The following KDF1 variants were observed in gnomAD, a reference collection of about 807,000 sequenced individuals.
KDF1 encodes the protein keratinocyte differentiation factor 1, also known as RP11-344H11.3.
KDF1 carries 11 observed loss-of-function variants against 31.6 expected under a neutral mutation model. The observed-to-expected ratio is 0.35, with a 90% CI of 0.22 to 0.58. The LOEUF is 0.58. Ranked by LOEUF, KDF1 falls within the 20% of genes least tolerant of loss-of-function variation. KDF1 has a pLI of 0.83. For synonymous variants in KDF1, 205 were observed against 214.4 expected, an observed-to-expected ratio of 0.96 and a Z score of 0.38; for missense variants, 476 against 549.1, an observed-to-expected ratio of 0.87 and a Z score of 1.33.
At position 26,949,962 on chromosome 1, in the gene KDF1, G is replaced by A; in HGVS notation, c.*107C>T. ...GCCAAGGCAGGAGGAGCCAGAGTGG[G>A]CACTGCTTCAGGTCTAAGCCTCTCC... On this transcript the variant is annotated 3_prime_UTR_variant, in exon 4 of 4. Coordinates refer to ENST00000320567, the MANE Select transcript of KDF1 (RefSeq NM_152365.3). The A allele has an allele frequency of 3.5e-6, 4 of 1,127,086 alleles. No homozygotes were observed. Among genetic ancestry groups the A allele is most frequent in the East Asian group, 2.5e-5 (1 of 39,304 alleles). 69.8% of individuals were successfully genotyped at this position (1,127,086 alleles called of 1,614,324 possible). A position where few individuals can be genotyped will look rare whatever the true frequency, so the allele number is the denominator to read the frequency against.
intron 1 of KDF1, among the ~76,000 whole-genome samples, chr1:26,953,229 G>A (rs1183852220): frequency 6.6e-6 from 1 of 152,084 alleles, no homozygotes; most frequent in African/African-American, 2.4e-5. Flanking sequence ...CTCTCAATCT[G>A]TATTTAAAAA....
chr1:26,951,942 C>T lies in KDF1; in HGVS notation c.439G>A (p.Asp147Asn), dbSNP rs1373270171. 4 of 1,604,702 alleles carry T rather than the reference C, an allele frequency of 2.5e-6. No individual in the cohort carries two copies. The highest frequency in any genetic ancestry group is 2.2e-5 in the East Asian group (1 of 44,720). The change falls in exon 2 of 4, where the codon GAT becomes AAT. Residue 147 changes from aspartate to asparagine, a missense_variant. Transcript: ENST00000320567. This position sits in a 1 kb window ranked among gnomAD's most constrained non-coding sequence, Gnocchi z 5.4. ...SPDRAPPSRR[D>N]GQRLKSTMGS... ...ATGGTTGACTTGAGCCGCTGGCCAT[C>T]CCGCCGGCTGGGGGGTGCACGATCA...
chr1:26,955,312 A>G (rs1040365061), intron 1 of KDF1, among the ~76,000 whole-genome samples: 21 of 152,132 alleles, frequency 1.4e-4, no homozygotes, highest in African/African-American at 3.9e-4. Context: ...AAGACTTGCT[A>G]TGGAACCTGA....
rs1490420788 is a variant in KDF1 at position 26,951,334 on chromosome 1, C to A, written c.1039+8G>T. On this transcript the variant is annotated splice_region_variant and intron_variant, in intron 2 of 3. Coordinates refer to ENST00000320567, the MANE Select transcript of KDF1 (RefSeq NM_152365.3). The surrounding 1 kb of genome is among the most constrained non-coding windows in gnomAD (Gnocchi z 5.4). ...TCTGCCCCTCAGCCCCATGGGGCCC[C>A]CACCTACCATCCTGGCTGAGACCTG... 2 of 1,546,580 alleles carry A rather than the reference C, an allele frequency of 1.3e-6. No individual in the cohort carries two copies. Among genetic ancestry groups the A allele is most frequent in the Admixed American group, 3.8e-5 (2 of 53,060 alleles).
At chr1:26,956,190 T>G (rs1009623638) in intron 1 of KDF1, among the ~76,000 whole-genome samples, 3 of 151,956 alleles carry the variant, frequency 2.0e-5, no homozygotes, top group African/African-American at 7.3e-5. Context: ...AAACCGGGGG[T>G]GTGTGAGGAA....
In KDF1 at chr1:26,950,203, C is replaced by G; in HGVS notation, c.1115-52G>C. On this transcript the variant is annotated intron_variant, in intron 3 of 3. Coordinates refer to ENST00000320567, the MANE Select transcript of KDF1 (RefSeq NM_152365.3). The surrounding 1 kb of genome is among the most constrained non-coding windows in gnomAD (Gnocchi z 4.0). The stretch of plus-strand genomic sequence containing the variant: ...AACAGGCTCAGGGGAAGGAGCTCAT[C>G]CAGATCCCATGACCAGGGAGAAGCC... The G allele has an allele frequency of 6.6e-7, 1 of 1,510,102 alleles. No homozygotes were observed. Among genetic ancestry groups the G allele is most frequent in the Non-Finnish European group, 9.2e-7 (1 of 1,086,272 alleles). The allele number at this position is 1,510,102 out of a possible 1,614,324, so 93.5% of individuals were successfully genotyped here. A position where few individuals can be genotyped will look rare whatever the true frequency, so the allele number is the denominator to read the frequency against.
chr1:26,952,604 T>C lies in KDF1; in HGVS notation c.-32-192A>G, dbSNP rs1490153085. On this transcript the variant is annotated intron_variant, in intron 1 of 3. Transcript: ENST00000320567. This position sits in a 1 kb window ranked among gnomAD's most constrained non-coding sequence, Gnocchi z 4.1. ...CAAAAACCCTTATCTCTTGTGGCCC[T>C]CCCTCCACAAAGAGAAAGTCTCTGT... Among the ~76,000 whole-genome samples the C allele has an allele frequency of 6.6e-6, 1 of 151,946 alleles. No individual in the cohort carries two copies. Among genetic ancestry groups the C allele is most frequent in the Non-Finnish European group, 1.5e-5 (1 of 67,974 alleles).
chr1:26,950,650 C>G lies in KDF1; in HGVS notation c.1114+32G>C. ...AGGGGCCCCTAGGGTAGTCCCCCAC[C>G]CTCCACACCCCTCATTAGGTCAAGA... On this transcript the variant is annotated intron_variant, in intron 3 of 3. Transcript: ENST00000320567. The surrounding 1 kb of genome is among the most constrained non-coding windows in gnomAD (Gnocchi z 4.0). 6.3e-7 allele frequency: 1 copy of G among 1,595,292 alleles called. No homozygotes were observed. The highest frequency in any genetic ancestry group is 8.6e-7 in the Non-Finnish European group (1 of 1,163,368).
chr1:26,954,199 A>G (rs1570756795), intron 1 of KDF1, among the ~76,000 whole-genome samples: 1 of 151,958 alleles, frequency 6.6e-6, no homozygotes, highest in East Asian at 1.9e-4. Flanking sequence ...AATGATGCTT[A>G]AATATGGGAA....
chr1:26,950,226 G>GC lies in KDF1; in HGVS notation c.1115-76dup. 1 of 1,391,454 alleles carries GC rather than the reference G, an allele frequency of 7.2e-7. No homozygotes were observed. Among genetic ancestry groups the GC allele is most frequent in the Non-Finnish European group, 1.0e-6 (1 of 980,278 alleles). The allele number at this position is 1,391,454 out of a possible 1,614,324, so 86.2% of individuals were successfully genotyped here. On this transcript the variant is annotated intron_variant, in intron 3 of 3. Transcript: ENST00000320567. The surrounding 1 kb of genome is among the most constrained non-coding windows in gnomAD (Gnocchi z 4.0). ...ATCCAGATCCCATGACCAGGGAGAA[G>GC]CCTGCTGAGAAGGAGCAGAGTGGGA...
Position 26,950,753 on chromosome 1 carries a change from A to T in KDF1, c.1043T>A (p.Leu348Gln). Reference protein sequence around the residue: ...MVGSGLSQDELTVQISQETTA... With the variant: ...MVGSGLSQDEQTVQISQETTA... Reference sequence around the variant, plus strand: ...CGTCTCCTGGGAGATCTGCACTGTCAGCTCTAGGGAGGGAACGTGAGGCAA... The same window carrying T: ...CGTCTCCTGGGAGATCTGCACTGTCTGCTCTAGGGAGGGAACGTGAGGCAA... The change falls in exon 3 of 4, where the codon CTG (leucine) becomes CAG (glutamine). Residue 348 changes from leucine (L) to glutamine (Q), a missense_variant. By Grantham distance (113) the Leu-to-Gln change is moderately radical (BLOSUM62 -2). Transcript: ENST00000320567. This position sits in a 1 kb window ranked among gnomAD's most constrained non-coding sequence, Gnocchi z 4.0. The T allele has an allele frequency of 6.2e-7, 1 of 1,614,056 alleles. No homozygotes were observed. Among genetic ancestry groups the T allele is most frequent in the Non-Finnish European group, 8.5e-7 (1 of 1,179,948 alleles).
At chr1:26,956,044 G>C (rs540709433) in intron 1 of KDF1, among the ~76,000 whole-genome samples, 1 of 152,190 alleles carries the variant, frequency 6.6e-6, no homozygotes, top group African/African-American at 2.4e-5. Context: ...AGTCAAGGAA[G>C]ATTATGCAGT....
intron 1 of KDF1, among the ~76,000 whole-genome samples, chr1:26,954,793 A>C (rs113443127): frequency 0.036 from 5,056 of 141,842 alleles, 291 homozygotes; most frequent in African/African-American, 0.12. Context: ...AGATGGCGCC[A>C]TTGCACTCCA....
rs1440728795 is a variant in KDF1, at chr1:26,949,908, G to GAAAT, written c.*157_*160dup. 2 of 644,818 alleles carry GAAAT rather than the reference G, an allele frequency of 3.1e-6. No homozygotes were observed. The highest frequency in any genetic ancestry group is 2.9e-5 in the East Asian group (1 of 34,312). 39.9% of individuals were successfully genotyped at this position (644,818 alleles called of 1,614,324 possible). On this transcript the variant is annotated 3_prime_UTR_variant, in exon 4 of 4. Transcript: ENST00000320567. Reference sequence around the variant, plus strand: ...GGAGATGTAGATCCCATGGCCCAGTGAAATGCACATGGTCCAGGAACCCAG... The same window carrying GAAAT: ...GGAGATGTAGATCCCATGGCCCAGTGAAATAAATGCACATGGTCCAGGAACCCAG...
At position 26,951,384 on chromosome 1, in the gene KDF1, T is replaced by C; in HGVS notation, c.997A>G (p.Ser333Gly). 1.2e-6 allele frequency: 2 copies of C among 1,603,948 alleles called. No homozygotes were observed. Among genetic ancestry groups the C allele is most frequent in the Non-Finnish European group, 1.7e-6 (2 of 1,173,574 alleles). ...GAGCCCACCATGGTCTCATGGCCACTGTCAGGGGCAGCAGCGGTTGGGGCA... is the reference window on the plus strand; with the variant it reads ...GAGCCCACCATGGTCTCATGGCCACCGTCAGGGGCAGCAGCGGTTGGGGCA... ...AAAPTAAAPD[S>G]GHETMVGSGL... Residue 333 changes from serine to glycine, a missense_variant, in exon 2 of 4, where the codon AGT (serine) becomes GGT (glycine). Around this residue, in one of 2 missense-constraint regions of KDF1, gnomAD observed 146 missense variants for 216.8 expected, o/e 0.67. Coordinates refer to ENST00000320567, the MANE Select transcript of KDF1 (RefSeq NM_152365.3). This position sits in a 1 kb window ranked among gnomAD's most constrained non-coding sequence, Gnocchi z 5.4.
intron 1 of KDF1, among the ~76,000 whole-genome samples, chr1:26,959,525 AG>A (rs1266632369): frequency 6.6e-6 from 1 of 152,126 alleles, no homozygotes; most frequent in Non-Finnish European, 1.5e-5. Context: ...TATTGAGTGC[AG>A]GGGGCTTCCC....
chr1:26,950,905 G>T lies in KDF1; in HGVS notation c.1040-149C>A. 1.4e-6 allele frequency: 1 copy of T among 718,334 alleles called. No homozygotes were observed. The highest frequency in any genetic ancestry group is 2.4e-6 in the Non-Finnish European group (1 of 420,606). The allele number at this position is 718,334 out of a possible 1,614,324, so 44.5% of individuals were successfully genotyped here. Reference sequence around the variant, plus strand: ...GCTTAAAGACAGAGACATAGACAACGTGTGCATGCGCAGAGTGATGGATGA... The same window carrying T: ...GCTTAAAGACAGAGACATAGACAACTTGTGCATGCGCAGAGTGATGGATGA... On this transcript the variant is annotated intron_variant, in intron 2 of 3. Transcript: ENST00000320567. The surrounding 1 kb of genome is among the most constrained non-coding windows in gnomAD (Gnocchi z 4.0).
rs774248317 is a variant in KDF1 at position 26,950,416 on chromosome 1, C to T, written c.1115-265G>A. Among the ~76,000 whole-genome samples the T allele has an allele frequency of 3.9e-5, 6 of 152,210 alleles. No homozygotes were observed. Among genetic ancestry groups the T allele is most frequent in the Non-Finnish European group, 7.3e-5 (5 of 68,028 alleles). On this transcript the variant is annotated intron_variant, in intron 3 of 3. Transcript: ENST00000320567. This position sits in a 1 kb window ranked among gnomAD's most constrained non-coding sequence, Gnocchi z 4.0. ...GAACCACACGGGTGTCTTTCCAGCA[C>T]CATGCTGGATGGCTCCCCACCCACT...
chr1:26,958,127 ATTCTTTT>A (rs2082385392), intron 1 of KDF1, among the ~76,000 whole-genome samples: 1 of 141,478 alleles, frequency 7.1e-6, no homozygotes, highest in African/African-American at 2.6e-5. Context: ...GCTGTTCTAA[ATTCTTTT>A]TTTTTTTTTT....
Sources: allele counts gnomAD v4.1 joint callset (sites outside exome capture counted in the v4.1 genomes callset), GRCh38; gene constraint gnomAD v4.1.1; regional missense constraint gnomAD v4.1.1; non-coding constraint Gnocchi (gnomAD v3.1); transcripts MANE v1.5; gene names NCBI Gene and HGNC (gene_info 2026-07-23, HGNC 2026-07-21).